VPS8: variants seen among roughly 807,000 people sequenced by gnomAD.
VPS8 encodes the protein vacuolar protein sorting-associated protein 8 homolog.
A neutral mutation model predicts 216.4 loss-of-function variants in VPS8; 129 were observed. That is an observed-to-expected ratio of 0.60 (90% CI 0.52 to 0.69). The LOEUF (loss-of-function observed/expected upper bound fraction) is 0.69. Among genes scored for constraint, VPS8 ranks in the 30% least tolerant of loss-of-function variants. The pLI is 0.00. For synonymous variants in VPS8, 571 were observed against 565.4 expected (o/e 1.01, Z -0.14); for missense variants, 1,531 against 1,683.5 (o/e 0.91, Z 1.59).
chr3:185,024,502 G>A, intron 46 of VPS8, 113 bp downstream of exon 46: 2 of 1,210,098 alleles, frequency 1.7e-6, no homozygotes, highest in South Asian at 2.9e-5. Context: ...ATGCTGTCAA[G>A]GGTTATTTCT....
intron 43 of VPS8, among the ~76,000 whole-genome samples, chr3:184,995,072 T>C (rs1284368299): frequency 1.3e-5 from 2 of 152,214 alleles, no homozygotes; most frequent in Non-Finnish European, 2.9e-5. Context: ...CCACACGTGG[T>C]AATTCAAGAT....
chr3:184,965,567 A>G (rs1454164004), intron 38 of VPS8, among the ~76,000 whole-genome samples: 1 of 152,256 alleles, frequency 6.6e-6, no homozygotes, highest in African/African-American at 2.4e-5. Flanking sequence ...TAGGCAGGTC[A>G]GGCGAGAAAC....
chr3:184,860,783 G>A (rs1726209097), intron 15 of VPS8, among the ~76,000 whole-genome samples: 1 of 150,818 alleles, frequency 6.6e-6, no homozygotes, highest in Non-Finnish European at 1.5e-5. Context: ...ACTTTGCAGA[G>A]CTCTCTTTCT....
chr3:184,935,478 G>A (rs1255133400), intron 34 of VPS8, among the ~76,000 whole-genome samples: 1 of 152,108 alleles, frequency 6.6e-6, no homozygotes, highest in Non-Finnish European at 1.5e-5. Context: ...ATAGTGGTTT[G>A]TCTGAGTTTT....
intron 46 of VPS8, among the ~76,000 whole-genome samples, chr3:185,029,351 A>T (rs1757794915): frequency 6.6e-6 from 1 of 152,156 alleles, no homozygotes; most frequent in Non-Finnish European, 1.5e-5. Flanking sequence ...CTGTTGACCG[A>T]TAACTGAAGG....
At chr3:184,910,743 T>A (rs1014381293) in intron 25 of VPS8, among the ~76,000 whole-genome samples, 3 of 152,164 alleles carry the variant, frequency 2.0e-5, no homozygotes, top group Non-Finnish European at 4.4e-5. Context: ...GGCCTTTCCA[T>A]GCCTCCCTAT....
chr3:184,868,226 T>A, intron 18 of VPS8, 167 bp downstream of exon 18: 1 of 643,572 alleles, frequency 1.6e-6, no homozygotes, highest in Non-Finnish European at 2.7e-6. Context: ...ACTGACAGTA[T>A]AAGTTAGAAT....
intron 46 of VPS8, among the ~76,000 whole-genome samples, chr3:185,031,638 A>G (rs1349584506): frequency 6.6e-6 from 1 of 152,234 alleles, no homozygotes; most frequent in Non-Finnish European, 1.5e-5. Context: ...TTGAGAGGAC[A>G]GAACTGGTAC....
chr3:185,023,640 A>G (rs1047338201), intron 45 of VPS8, among the ~76,000 whole-genome samples: 2 of 152,218 alleles, frequency 1.3e-5, no homozygotes, highest in African/African-American at 4.8e-5. Context: ...CCTGAGCAAC[A>G]GAAGCGAAAC....
intron 42 of VPS8, among the ~76,000 whole-genome samples, chr3:184,988,411 A>G (rs1751432465): frequency 6.6e-6 from 1 of 152,218 alleles, no homozygotes; most frequent in Non-Finnish European, 1.5e-5. Flanking sequence ...TAGTTCCAAC[A>G]CTGCTTGTTG....
intron 11 of VPS8, among the ~76,000 whole-genome samples, chr3:184,853,364 A>G (rs1724674544): frequency 6.6e-6 from 1 of 152,212 alleles, no homozygotes; most frequent in Admixed American, 6.5e-5. Flanking sequence ...GTACTTGAGG[A>G]TAATTCTGGA....
intron 28 of VPS8, among the ~76,000 whole-genome samples, chr3:184,916,371 A>G (rs1737593835): frequency 6.6e-6 from 1 of 152,184 alleles, no homozygotes; most frequent in Non-Finnish European, 1.5e-5. Context: ...AGCAGCAGGC[A>G]CACGAATATG....
intron 22 of VPS8, among the ~76,000 whole-genome samples, chr3:184,890,532 A>G (rs985973406): frequency 1.6e-4 from 25 of 152,282 alleles, no homozygotes; most frequent in African/African-American, 6.0e-4. Flanking sequence ...CACAACCATT[A>G]TTACACTATA....
At chr3:184,869,135 A>C in intron 19 of VPS8, 99 bp downstream of exon 19, 1 of 1,122,202 alleles carries the variant, frequency 8.9e-7, no homozygotes, top group Non-Finnish European at 1.3e-6. Flanking sequence ...CTGAGTGTCG[A>C]AGTGTTTATA....
intron 37 of VPS8, among the ~76,000 whole-genome samples, chr3:184,960,358 G>A (rs112578483): frequency 2.1e-3 from 317 of 152,222 alleles, no homozygotes; most frequent in African/African-American, 6.4e-3. Flanking sequence ...GAAAAAAAGC[G>A]TCAAAATAAA....
chr3:184,949,270 C>G (rs972526316), intron 36 of VPS8, among the ~76,000 whole-genome samples: 1 of 152,008 alleles, frequency 6.6e-6, no homozygotes, highest in Non-Finnish European at 1.5e-5. Context: ...GCACTCCAGC[C>G]TGGCCAACAG....
chr3:184,864,634 G>A (rs1726994731), intron 16 of VPS8, among the ~76,000 whole-genome samples: 1 of 152,198 alleles, frequency 6.6e-6, no homozygotes, highest in Non-Finnish European at 1.5e-5. Flanking sequence ...GAGGCATCTT[G>A]CCTCATTAGG....
At chr3:184,953,620 G>C (rs935446806) in intron 36 of VPS8, among the ~76,000 whole-genome samples, 1 of 152,142 alleles carries the variant, frequency 6.6e-6, no homozygotes, top group Non-Finnish European at 1.5e-5. Flanking sequence ...TTGTGGTGCA[G>C]GTTTCAGAAA....
chr3:184,920,152 A>T lies in VPS8; in HGVS notation c.2408A>T (p.Lys803Met). The T allele has an allele frequency of 6.6e-7, 1 of 1,525,552 alleles. No individual in the cohort carries two copies. The highest frequency in any genetic ancestry group is 8.8e-7 in the Non-Finnish European group (1 of 1,138,096). 94.5% of individuals were successfully genotyped at this position (1,525,552 alleles called of 1,614,324 possible). A position where few individuals can be genotyped will look rare whatever the true frequency, so the allele number is the denominator to read the frequency against. Residue 803 changes from lysine to methionine, a missense_variant, in exon 29 of 48, where the codon AAG becomes ATG. Physicochemically the swap from Lys to Met is moderately conservative, Grantham distance 95. Coordinates refer to ENST00000625842, the MANE Select transcript of VPS8 (RefSeq NM_001009921.3). ...ALTFEDFKNDKQAVEYQQRIV... is the reference protein window; with the variant it reads ...ALTFEDFKNDMQAVEYQQRIV... ...ACTTTTGAAGATTTTAAAAATGACAAGCAAGCTGTGGAATATCAACAGCGA... is the reference window on the plus strand; with the variant it reads ...ACTTTTGAAGATTTTAAAAATGACATGCAAGCTGTGGAATATCAACAGCGA...
Sources: gnomAD v4.1 joint callset for allele counts (sites outside exome capture counted in the v4.1 genomes callset) on GRCh38, gnomAD v4.1.1 for gene constraint, MANE v1.5 for transcripts, NCBI Gene and HGNC (gene_info 2026-07-23, HGNC 2026-07-21) for gene names.